The following EPS15L1 variants were observed in gnomAD, a reference collection of about 807,000 sequenced individuals.
EPS15L1 encodes the protein epidermal growth factor receptor pathway substrate 15 like 1, also known as epidermal growth factor receptor substrate 15-like 1.
Under a neutral mutation model 117.1 loss-of-function variants are expected in EPS15L1, and 43 were observed. The observed-to-expected ratio is 0.37, with a 90% CI of 0.29 to 0.47. The LOEUF (loss-of-function observed/expected upper bound fraction) is 0.47. Ranked by LOEUF, EPS15L1 falls within the 20% of genes least tolerant of loss-of-function variation. The pLI is 0.99. For missense variants in EPS15L1, 981 were observed against 1,164.0 expected (o/e 0.84, Z 2.29); for synonymous variants, 459 against 470.5 (o/e 0.98, Z 0.32).
At chr19:16,469,572 T>G (rs903751585) in intron 1 of EPS15L1, among the ~76,000 whole-genome samples, 1 of 151,896 alleles carries the variant, frequency 6.6e-6, no homozygotes, top group African/African-American at 2.4e-5. Flanking sequence ...CCTTTCGAAT[T>G]TACGTTGATA....
At chr19:16,363,454 C>T (rs1337638743) in intron 22 of EPS15L1, among the ~76,000 whole-genome samples, 1 of 152,180 alleles carries the variant, frequency 6.6e-6, no homozygotes, top group Non-Finnish European at 1.5e-5. Flanking sequence ...CCACACAGGC[C>T]AGCCTCGGTC....
At chr19:16,421,246 C>G in intron 10 of EPS15L1, 73 bp downstream of exon 10, 1 of 1,504,390 alleles carries the variant, frequency 6.6e-7, no homozygotes, top group Non-Finnish European at 9.0e-7. Context: ...CCCTGACCAC[C>G]ACCCTCCACA....
At chr19:16,368,791 C>T (rs745378701) in intron 22 of EPS15L1, among the ~76,000 whole-genome samples, 2 of 152,192 alleles carry the variant, frequency 1.3e-5, no homozygotes, top group Non-Finnish European at 2.9e-5. Context: ...ACCTATGCAA[C>T]TGTCATTCAC....
At chr19:16,412,746 G>A (rs2092719838) in intron 13 of EPS15L1, 2 of 267,364 alleles carry the variant, frequency 7.5e-6, no homozygotes, top group Non-Finnish European at 7.3e-6. Flanking sequence ...GCCCTGGGAT[G>A]GGCAACCACA....
chr19:16,466,701 G>A (rs1434499225), intron 1 of EPS15L1, among the ~76,000 whole-genome samples: 1 of 152,014 alleles, frequency 6.6e-6, no homozygotes, highest in Non-Finnish European at 1.5e-5. Flanking sequence ...TCAGGAGTTC[G>A]AGACCAGCCT....
At chr19:16,419,636 T>C (rs562786814) in intron 10 of EPS15L1, among the ~76,000 whole-genome samples, 1 of 152,302 alleles carries the variant, frequency 6.6e-6, no homozygotes, top group East Asian at 1.9e-4. Context: ...AACAGAAGTT[T>C]CCCCTTTTAC....
intron 22 of EPS15L1, among the ~76,000 whole-genome samples, chr19:16,364,045 C>T (rs548356973): frequency 6.6e-6 from 1 of 152,316 alleles, no homozygotes; most frequent in East Asian, 1.9e-4. Flanking sequence ...TGCGGGAGAT[C>T]CTTCCAGACT....
At chr19:16,363,557 G>A (rs537762175) in intron 22 of EPS15L1, among the ~76,000 whole-genome samples, 3 of 152,322 alleles carry the variant, frequency 2.0e-5, no homozygotes, top group East Asian at 3.9e-4. Flanking sequence ...GTGTCCTTGT[G>A]GGCTCCGGGG....
At chr19:16,425,871 G>A (rs1241319369) in intron 8 of EPS15L1, among the ~76,000 whole-genome samples, 1 of 152,232 alleles carries the variant, frequency 6.6e-6, no homozygotes, top group African/African-American at 2.4e-5. Context: ...GCAGGCCACA[G>A]CCATAGAAAT....
At chr19:16,431,461 G>A (rs928964120) in intron 7 of EPS15L1, among the ~76,000 whole-genome samples, 4 of 151,564 alleles carry the variant, frequency 2.6e-5, no homozygotes, top group African/African-American at 9.7e-5. Context: ...GTGCCACCAT[G>A]CCCAGCTAAT....
At chr19:16,432,471 G>C (rs1168223585) in intron 7 of EPS15L1, among the ~76,000 whole-genome samples, 2 of 152,222 alleles carry the variant, frequency 1.3e-5, no homozygotes, top group African/African-American at 4.8e-5. Flanking sequence ...GGGAGGCTGA[G>C]GCAGGAGAAC....
intron 19 of EPS15L1, 131 bp from the exon 20 acceptor site, chr19:16,386,362 ACT>A (rs2092421090): frequency 2.8e-6 from 2 of 722,818 alleles, no homozygotes; most frequent in African/African-American, 3.5e-5. Flanking sequence ...AATGATTAAA[ACT>A]CAACCCAGGC....
Position 16,355,954 on chromosome 19 carries a change from C to T in EPS15L1, c.2587-103G>A, listed in dbSNP as rs369783739. 5.4e-4 allele frequency: 744 copies of T among 1,379,268 alleles called. 5 individuals are homozygous for T. In the South Asian group the frequency reaches 8.0e-3, roughly 15 times the overall value. The allele number at this position is 1,379,268 out of a possible 1,614,324, so 85.4% of individuals were successfully genotyped here. On this transcript the variant is annotated intron_variant, in intron 23 of 23. Coordinates refer to ENST00000455140, the MANE Select transcript of EPS15L1 (RefSeq NM_001258374.3). ...TGGGAGGGGTCAGGGTCCTGCCCAC[C>T]GCCCAGCGGAGGGTCCGATGTGCAG...
At chr19:16,417,763 T>G in intron 11 of EPS15L1, 126 bp from the exon 12 acceptor site, 2 of 1,153,212 alleles carry the variant, frequency 1.7e-6, no homozygotes, top group Non-Finnish European at 1.3e-6. Context: ...GTAGCAAAAG[T>G]GTCAGCCCCC....
rs114682907 is a variant in EPS15L1 at position 16,444,700 on chromosome 19, C to G, written c.34-2481G>C. ...CCTTCCTGCCAATGATCAGAGAGGT[C>G]TGGATCTGAAGCACATTTCCAGACA... On this transcript the variant is annotated intron_variant, in intron 1 of 23. Transcript: ENST00000455140. Among the ~76,000 whole-genome samples, 903 of 151,576 alleles carry G rather than the reference C, an allele frequency of 6.0e-3. 11 individuals carry two copies. Among genetic ancestry groups the G allele is most frequent in the African/African-American group, 0.021 (861 of 41,268 alleles).
At chr19:16,386,671 C>T (rs1199968813) in intron 19 of EPS15L1, among the ~76,000 whole-genome samples, 1 of 152,142 alleles carries the variant, frequency 6.6e-6, no homozygotes, top group African/African-American at 2.4e-5. Context: ...GAAGGGGAAT[C>T]GGGATGGAGG....
intron 17 of EPS15L1, 76 bp from the exon 18 acceptor site, chr19:16,394,077 C>T: frequency 2.3e-6 from 3 of 1,320,274 alleles, no homozygotes; most frequent in Non-Finnish European, 3.3e-6. Context: ...CACAGCCACC[C>T]ACCTCCCAAG....
At chr19:16,412,054 C>A (rs1044852042) in intron 13 of EPS15L1, among the ~76,000 whole-genome samples, 2 of 152,218 alleles carry the variant, frequency 1.3e-5, no homozygotes, top group Non-Finnish European at 2.9e-5. Flanking sequence ...AATGTAAATG[C>A]TATGTAAATA....
chr19:16,441,223 C>G (rs960227801), intron 3 of EPS15L1: 2 of 375,730 alleles, frequency 5.3e-6, no homozygotes, highest in Admixed American at 7.5e-5. Flanking sequence ...GTAATCCCAG[C>G]ACTTTGGGAG....
Sources: allele counts gnomAD v4.1 joint callset (sites outside exome capture counted in the v4.1 genomes callset), GRCh38; gene constraint gnomAD v4.1.1; transcripts MANE v1.5; gene names NCBI Gene and HGNC (gene_info 2026-07-23, HGNC 2026-07-21).